The following LPP variants were observed in gnomAD, a reference collection of about 807,000 sequenced individuals.
LPP encodes LIM domain containing preferred translocation partner in lipoma, also known as lipoma-preferred partner.
LPP carries 38 observed loss-of-function variants against 60.4 expected under a neutral mutation model. The ratio of observed to expected loss-of-function variants is 0.63; its 90% confidence interval spans 0.49 to 0.83. The LOEUF (loss-of-function observed/expected upper bound fraction) is 0.83. LPP is among the 40% of genes least tolerant of loss of function. LPP has a pLI of 0.00. For synonymous variants in LPP, 328 were observed against 290.8 expected (o/e 1.13, Z -1.30); for missense variants, 902 against 783.6 (o/e 1.15, Z -1.80).
intron 6 of LPP, among the ~76,000 whole-genome samples, chr3:188,565,577 C>A (rs1831940048): frequency 6.6e-6 from 1 of 151,940 alleles, no homozygotes; most frequent in African/African-American, 2.4e-5. Flanking sequence ...ACTTTGATAA[C>A]TTTCAAGAAG....
At chr3:188,798,307 A>C (rs1239318822) in intron 9 of LPP, among the ~76,000 whole-genome samples, 3 of 152,224 alleles carry the variant, frequency 2.0e-5, no homozygotes, top group African/African-American at 7.2e-5. Context: ...CAACTCAGGC[A>C]GTCAGGCAGG....
intron 2 of LPP, among the ~76,000 whole-genome samples, chr3:188,316,613 C>T (rs1755159059): frequency 6.7e-6 from 1 of 150,140 alleles, no homozygotes; most frequent in South Asian, 2.1e-4. Context: ...TAACGATGAA[C>T]CTGCTGTAGT....
At chr3:188,534,102 G>A (rs1170895594) in intron 6 of LPP, among the ~76,000 whole-genome samples, 1 of 152,168 alleles carries the variant, frequency 6.6e-6, no homozygotes, top group Non-Finnish European at 1.5e-5. Context: ...GTAAGAGCTG[G>A]CTCTGAATGT....
rs138120988 is a variant in LPP, at chr3:188,694,910, A to G, written c.1114-13357A>G. Among the ~76,000 whole-genome samples, 21 of 152,326 alleles carry G rather than the reference A, an allele frequency of 1.4e-4. No homozygotes were observed. The East Asian group carries it at 3.1e-3, about 22-fold the overall frequency. On this transcript the variant is annotated intron_variant, in intron 7 of 11. Coordinates refer to ENST00000617246, the MANE Select transcript of LPP (RefSeq NM_001375462.1). Reference sequence around the variant, plus strand: ...TGTAATGTATGTGAAATTCCACTACAAATAAGTGGATGGGTTGTTAAATCT... The same window carrying G: ...TGTAATGTATGTGAAATTCCACTACGAATAAGTGGATGGGTTGTTAAATCT...
intron 2 of LPP, among the ~76,000 whole-genome samples, chr3:188,282,302 T>C (rs1050489194): frequency 6.6e-6 from 1 of 152,204 alleles, no homozygotes; most frequent in Non-Finnish European, 1.5e-5. Context: ...CCTGCTGATA[T>C]ACTTTCTGGG....
intron 4 of LPP, among the ~76,000 whole-genome samples, chr3:188,415,313 G>T (rs1318149839): frequency 2.0e-5 from 3 of 152,094 alleles, no homozygotes; most frequent in Non-Finnish European, 4.4e-5. Flanking sequence ...GTGGAGAAAT[G>T]ATCTCTCACA....
At chr3:188,670,822 G>C (rs972770570) in intron 7 of LPP, among the ~76,000 whole-genome samples, 1 of 152,138 alleles carries the variant, frequency 6.6e-6, no homozygotes, top group Non-Finnish European at 1.5e-5. Context: ...ATTCCAAATG[G>C]TCACATCTTA....
In LPP at chr3:188,461,497, C is replaced by A. The variant is rs1478249793; in HGVS notation, c.194-23095C>A. 2.0e-5 allele frequency among the ~76,000 whole-genome samples: 3 copies of A among 152,138 alleles called. No homozygotes were observed. The East Asian group carries it at 5.8e-4, about 29-fold the overall frequency. On this transcript the variant is annotated intron_variant, in intron 4 of 11. Coordinates refer to ENST00000617246, the MANE Select transcript of LPP (RefSeq NM_001375462.1). Reference sequence around the variant, plus strand: ...TAGGTGATATGTTCAATAATTTTTGCAAATTGTGCATTTTTGTTTAAAAAA... The same window carrying A: ...TAGGTGATATGTTCAATAATTTTTGAAAATTGTGCATTTTTGTTTAAAAAA...
At chr3:188,668,718 G>A (rs539950749) in intron 7 of LPP, among the ~76,000 whole-genome samples, 52 of 152,276 alleles carry the variant, frequency 3.4e-4, no homozygotes, top group African/African-American at 1.2e-3. Context: ...CTGTTTTTCC[G>A]TGGGACAATT....
In LPP at chr3:188,154,221, A is replaced by ACCG. The variant is rs1560064619; in HGVS notation, c.-216_-214dup. ...CGCCGCCGCCGCCGCCGCCACCACCACCGCCGCTGCCCCGGCTGCCTCCTC... is the reference window on the plus strand; with the variant it reads ...CGCCGCCGCCGCCGCCGCCACCACCACCGCCGCCGCTGCCCCGGCTGCCTCCTC... On this transcript the variant is annotated 5_prime_UTR_variant, in exon 1 of 12. Transcript: ENST00000617246. Among the ~76,000 whole-genome samples the ACCG allele has an allele frequency of 1.3e-5, 2 of 151,536 alleles. No homozygotes were observed. Among genetic ancestry groups the ACCG allele is most frequent in the South Asian group, 2.1e-4 (1 of 4,818 alleles).
At chr3:188,173,135 C>T (rs1424182522) in intron 1 of LPP, among the ~76,000 whole-genome samples, 10 of 152,210 alleles carry the variant, frequency 6.6e-5, no homozygotes, top group Non-Finnish European at 1.5e-4. Context: ...TTTTAAACTG[C>T]TGGGATTACA....
intron 6 of LPP, among the ~76,000 whole-genome samples, chr3:188,542,820 A>G (rs968352926): frequency 1.3e-5 from 2 of 152,150 alleles, no homozygotes; most frequent in African/African-American, 4.8e-5. Context: ...GTGTTAGGTA[A>G]GTCAGCTCCT....
intron 5 of LPP, among the ~76,000 whole-genome samples, chr3:188,514,785 G>T (rs1182765137): frequency 6.6e-6 from 1 of 152,182 alleles, no homozygotes; most frequent in Non-Finnish European, 1.5e-5. Flanking sequence ...ATAAGAGAAG[G>T]AGATTTATTT....
intron 7 of LPP, among the ~76,000 whole-genome samples, chr3:188,681,709 T>G (rs1363426009): frequency 6.6e-6 from 1 of 152,196 alleles, no homozygotes; most frequent in Non-Finnish European, 1.5e-5. Flanking sequence ...TGCAGAAAGT[T>G]TATGTCTGGG....
chr3:188,830,701 T>G (rs1756939651), intron 9 of LPP, among the ~76,000 whole-genome samples: 1 of 152,186 alleles, frequency 6.6e-6, no homozygotes, highest in Non-Finnish European at 1.5e-5. Flanking sequence ...TGGGACAACT[T>G]TCTATACACT....
chr3:188,433,689 G>GGA (rs951594549), intron 4 of LPP, among the ~76,000 whole-genome samples: 3 of 147,388 alleles, frequency 2.0e-5, no homozygotes, highest in Non-Finnish European at 3.0e-5. Flanking sequence ...AAAATAGGAA[G>GGA]GAGAGAGAGA....
chr3:188,229,239 C>T (rs1718952357), intron 2 of LPP, among the ~76,000 whole-genome samples: 1 of 152,184 alleles, frequency 6.6e-6, no homozygotes, highest in South Asian at 2.1e-4. Flanking sequence ...CCCATAGAAG[C>T]TACAGTCTAG....
intron 9 of LPP, among the ~76,000 whole-genome samples, chr3:188,853,644 A>G (rs1384107768): frequency 6.6e-6 from 1 of 152,114 alleles, no homozygotes; most frequent in African/African-American, 2.4e-5. Context: ...TCAAGTTAAA[A>G]CGTTTGGCTT....
chr3:188,354,756 A>T (rs1401484062), intron 3 of LPP, among the ~76,000 whole-genome samples: 1 of 152,192 alleles, frequency 6.6e-6, no homozygotes, highest in Non-Finnish European at 1.5e-5. Context: ...AATTCAGTTG[A>T]ATCAGTTTAC....
Sources: gnomAD v4.1 joint callset for allele counts (sites outside exome capture counted in the v4.1 genomes callset) on GRCh38, gnomAD v4.1.1 for gene constraint, MANE v1.5 for transcripts, NCBI Gene and HGNC (gene_info 2026-07-23, HGNC 2026-07-21) for gene names.